Variants in SEZ6L observed in about 807,000 individuals in gnomAD.
The protein encoded by SEZ6L is seizure related 6 homolog like, also known as seizure 6-like protein.
SEZ6L carries 37 observed loss-of-function variants against 106.2 expected under a neutral mutation model. That is an observed-to-expected ratio of 0.35 (90% confidence interval 0.27 to 0.46). SEZ6L has a LOEUF of 0.46. Among genes scored for constraint, SEZ6L ranks in the 20% least tolerant of loss-of-function variants. The pLI is 1.00. For synonymous variants in SEZ6L, 541 were observed against 570.4 expected, an observed-to-expected ratio of 0.95 and a Z score of 0.73; for missense variants, 1,172 against 1,332.8, an observed-to-expected ratio of 0.88 and a Z score of 1.88.
chr22:26,343,449 CT>C, intron 10 of SEZ6L, among the ~76,000 whole-genome samples: 1 of 152,076 alleles, frequency 6.6e-6, no homozygotes, highest in East Asian at 1.9e-4. Context: ...GAAGTTGAAA[CT>C]TTTTGTGATT....
intron 1 of SEZ6L, among the ~76,000 whole-genome samples, chr22:26,181,714 G>A (rs542181032): frequency 1.8e-4 from 27 of 152,262 alleles, no homozygotes; most frequent in Non-Finnish European, 2.2e-4. Flanking sequence ...GAGTTATGAG[G>A]TGACTCTGTA....
At chr22:26,258,862 A>T (rs991003134) in intron 1 of SEZ6L, among the ~76,000 whole-genome samples, 1 of 152,210 alleles carries the variant, frequency 6.6e-6, no homozygotes, top group East Asian at 1.9e-4. Flanking sequence ...GGGAGGAAAT[A>T]TGAAGGATTT....
At chr22:26,351,513 T>TTTTGTTTGTTTGTTTG (rs1184191772) in intron 12 of SEZ6L, 1 of 321,280 alleles carries the variant, frequency 3.1e-6, no homozygotes. Context: ...TACTTTGTTT[T>TTTTGTTTGTTTGTTTG]TTTGTTTGTT....
chr22:26,206,523 C>T (rs1393845916), intron 1 of SEZ6L, among the ~76,000 whole-genome samples: 1 of 152,204 alleles, frequency 6.6e-6, no homozygotes, highest in Non-Finnish European at 1.5e-5. Context: ...AGGTAACATT[C>T]CTTGTCCAAG....
chr22:26,285,824 G>GT (rs2080917483), intron 1 of SEZ6L, among the ~76,000 whole-genome samples: 1 of 152,204 alleles, frequency 6.6e-6, no homozygotes, highest in Admixed American at 6.5e-5. Flanking sequence ...CTCTGCTGTG[G>GT]TTTTTCAAGC....
At chr22:26,190,628 A>G (rs896821817) in intron 1 of SEZ6L, among the ~76,000 whole-genome samples, 2 of 152,120 alleles carry the variant, frequency 1.3e-5, no homozygotes, top group Non-Finnish European at 2.9e-5. Flanking sequence ...GCCTTGGTTC[A>G]TGTGCTCATC....
At chr22:26,306,490 A>T (rs2081636384) in intron 6 of SEZ6L, among the ~76,000 whole-genome samples, 1 of 152,206 alleles carries the variant, frequency 6.6e-6, no homozygotes, top group African/African-American at 2.4e-5. Flanking sequence ...CCAGCCATAT[A>T]TTAGGCTCCA....
intron 1 of SEZ6L, among the ~76,000 whole-genome samples, chr22:26,246,321 ACTAACC>A (rs1158253734): frequency 6.6e-6 from 1 of 152,190 alleles, no homozygotes; most frequent in African/African-American, 2.4e-5. Flanking sequence ...ACATCGTATT[ACTAACC>A]CTAACCCTAA....
chr22:26,292,530 C>G lies in SEZ6L; in HGVS notation c.219C>G (p.Ser73=), dbSNP rs1279759907. ...EERVVTAPPS[S]SQSAEVLGEL... ...GAGTGGTAACAGCGCCCCCCAGTTC[C>G]TCACAGTCGGCGGAAGTGCTGGGCG... Residue 73 remains serine, a synonymous_variant, in exon 2 of 17, where the codon TCC becomes TCG. Transcript: ENST00000248933. 1 of 1,613,912 alleles carries G rather than the reference C, an allele frequency of 6.2e-7. No homozygotes were observed. The highest frequency in any genetic ancestry group is 1.1e-5 in the South Asian group (1 of 90,986).
At chr22:26,360,664 A>C (rs1484055155) in intron 12 of SEZ6L, among the ~76,000 whole-genome samples, 1 of 152,164 alleles carries the variant, frequency 6.6e-6, no homozygotes, top group Admixed American at 6.5e-5. Context: ...GTCATCAAGA[A>C]AAAGCCTCCC....
chr22:26,221,004 G>C (rs2078453055), intron 1 of SEZ6L, among the ~76,000 whole-genome samples: 1 of 151,978 alleles, frequency 6.6e-6, no homozygotes, highest in Admixed American at 6.6e-5. Context: ...GGAAGGAAAG[G>C]TGAATGGATA....
In SEZ6L at chr22:26,179,502, C is replaced by T. The variant is rs185275704; in HGVS notation, c.94+9739C>T. Reference sequence around the variant, plus strand: ...AACAGGCTCTCACCAGACCCTGAATCTGCCAGCACATTGATCTTGGACTTC... The same window carrying T: ...AACAGGCTCTCACCAGACCCTGAATTTGCCAGCACATTGATCTTGGACTTC... On this transcript the variant is annotated intron_variant, in intron 1 of 16. Coordinates refer to ENST00000248933, the MANE Select transcript of SEZ6L (RefSeq NM_021115.5). 1.3e-3 allele frequency among the ~76,000 whole-genome samples: 201 copies of T among 152,344 alleles called. 1 individual carries two copies. The highest frequency in any genetic ancestry group is 4.5e-3 in the African/African-American group (188 of 41,588).
At chr22:26,257,952 A>C (rs2079877554) in intron 1 of SEZ6L, among the ~76,000 whole-genome samples, 1 of 152,202 alleles carries the variant, frequency 6.6e-6, no homozygotes, top group African/African-American at 2.4e-5. Context: ...TTCTTTCAGA[A>C]GAATAAATGC....
intron 13 of SEZ6L, 81 bp downstream of exon 13, chr22:26,365,647 T>G: frequency 7.4e-7 from 1 of 1,342,740 alleles, no homozygotes; most frequent in Middle Eastern, 2.7e-4. Context: ...CTGAACTTGC[T>G]CTAAAAAATT....
At chr22:26,347,473 T>C (rs1422426166) in intron 10 of SEZ6L, among the ~76,000 whole-genome samples, 1 of 152,122 alleles carries the variant, frequency 6.6e-6, no homozygotes, top group Non-Finnish European at 1.5e-5. Context: ...GGATTCTGTC[T>C]GACTCGAAAT....
At chr22:26,172,235 A>G (rs1000086169) in intron 1 of SEZ6L, among the ~76,000 whole-genome samples, 1 of 152,160 alleles carries the variant, frequency 6.6e-6, no homozygotes, top group African/African-American at 2.4e-5. Context: ...CTGCTTCCCC[A>G]GTCTCTAACG....
chr22:26,348,586 G>A (rs1430423623), intron 11 of SEZ6L, among the ~76,000 whole-genome samples: 6 of 57,868 alleles, frequency 1.0e-4, no homozygotes, highest in African/African-American at 5.9e-4. Flanking sequence ...AAGAAAGAAA[G>A]AGAAAGAAAG....
At chr22:26,286,788 C>T (rs1306718451) in intron 1 of SEZ6L, among the ~76,000 whole-genome samples, 1 of 144,752 alleles carries the variant, frequency 6.9e-6, no homozygotes, top group Non-Finnish European at 1.5e-5. Context: ...TGCTCTGTTG[C>T]CCAGGCTGGT....
At chr22:26,347,285 A>C (rs1436317578) in intron 10 of SEZ6L, among the ~76,000 whole-genome samples, 2 of 152,128 alleles carry the variant, frequency 1.3e-5, no homozygotes, top group Non-Finnish European at 2.9e-5. Flanking sequence ...AAATACAAAA[A>C]TTTTTAAAAG....
Sources: allele counts gnomAD v4.1 joint callset (sites outside exome capture counted in the v4.1 genomes callset), GRCh38; gene constraint gnomAD v4.1.1; transcripts MANE v1.5; gene names NCBI Gene and HGNC (gene_info 2026-07-23, HGNC 2026-07-21).